Variants in RGS6 observed in about 807,000 individuals in gnomAD.
The protein encoded by RGS6 is regulator of G-protein signaling 6.
Under a neutral mutation model 78.5 loss-of-function variants are expected in RGS6, and 30 were observed. The ratio of observed to expected loss-of-function variants is 0.38; its 90% CI spans 0.29 to 0.52. The LOEUF is 0.52. Ranked by LOEUF, RGS6 falls within the 20% of genes least tolerant of loss-of-function variation. The pLI, the probability that RGS6 is intolerant of heterozygous loss-of-function variation, is 0.85. For missense variants in RGS6, 495 were observed against 609.7 expected, an observed-to-expected ratio of 0.81 and a Z score of 1.98; for synonymous variants, 206 against 206.0, an observed-to-expected ratio of 1.00 and a Z score of 0.00.
At chr14:72,214,883 A>G (rs2045182798) in intron 2 of RGS6, among the ~76,000 whole-genome samples, 1 of 152,230 alleles carries the variant, frequency 6.6e-6, no homozygotes, top group African/African-American at 2.4e-5. Context: ...GCAATATGAT[A>G]GAGAAATTAT....
At chr14:72,067,296 C>T (rs190507147) in intron 2 of RGS6, among the ~76,000 whole-genome samples, 328 of 152,194 alleles carry the variant, frequency 2.2e-3, no homozygotes, top group African/African-American at 7.4e-3. Context: ...GAACATCACA[C>T]ACCAAGGCCT....
At chr14:71,943,356 C>T (rs892818189) in intron 1 of RGS6, among the ~76,000 whole-genome samples, 4 of 152,076 alleles carry the variant, frequency 2.6e-5, no homozygotes, top group South Asian at 2.1e-4. Flanking sequence ...AGCACAGACA[C>T]GTAAGAAGAT....
the RGS6 span, among the ~76,000 whole-genome samples, chr14:72,587,904 TC>T: frequency 6.6e-6 from 1 of 152,150 alleles, no homozygotes; most frequent in South Asian, 2.1e-4. Flanking sequence ...AGCTTTGACA[TC>T]CCAAAAGCTT....
At chr14:72,262,097 A>C (rs1487983880) in intron 2 of RGS6, among the ~76,000 whole-genome samples, 1 of 151,874 alleles carries the variant, frequency 6.6e-6, no homozygotes, top group Non-Finnish European at 1.5e-5. Flanking sequence ...CAGTTTTTGG[A>C]AGGCAGCCTC....
At chr14:72,436,013 G>A (rs531683950) in intron 3 of RGS6, among the ~76,000 whole-genome samples, 94 of 152,178 alleles carry the variant, frequency 6.2e-4, no homozygotes, top group African/African-American at 2.2e-3. Context: ...GGCATTTTCA[G>A]AAATGTGCTC....
intron 2 of RGS6, among the ~76,000 whole-genome samples, chr14:72,057,573 C>T (rs899192120): frequency 6.6e-6 from 1 of 152,134 alleles, no homozygotes; most frequent in Admixed American, 6.5e-5. Context: ...TGATGATACT[C>T]GCTGCTGAGA....
At chr14:71,930,030 G>T (rs1009015311), upstream of RGS6, among the ~76,000 whole-genome samples, 4 of 152,198 alleles carry the variant, frequency 2.6e-5, no homozygotes, top group African/African-American at 9.7e-5. Context: ...TTCAGTGGAG[G>T]ATGGTATTAA....
intron 2 of RGS6, among the ~76,000 whole-genome samples, chr14:72,093,400 G>A (rs1022107903): frequency 1.3e-5 from 2 of 151,878 alleles, no homozygotes; most frequent in South Asian, 2.1e-4. Flanking sequence ...ATGCCACCAC[G>A]CCCACCTAAT....
the RGS6 span, among the ~76,000 whole-genome samples, chr14:72,606,027 T>A: frequency 6.6e-6 from 1 of 152,066 alleles, no homozygotes; most frequent in Non-Finnish European, 1.5e-5. Context: ...CCTTCCACCC[T>A]TGTCCCCCGA....
At chr14:72,403,373 T>C (rs1210615250) in intron 3 of RGS6, among the ~76,000 whole-genome samples, 2 of 152,218 alleles carry the variant, frequency 1.3e-5, no homozygotes, top group Non-Finnish European at 2.9e-5. Flanking sequence ...CCATATGATC[T>C]CATTCACATA....
chr14:72,602,702 T>C, the RGS6 span, among the ~76,000 whole-genome samples: 1 of 152,244 alleles, frequency 6.6e-6, no homozygotes, highest in Non-Finnish European at 1.5e-5. Flanking sequence ...TGGAAATGTA[T>C]TCCCAAGGGC....
At chr14:71,968,971 C>G (rs541831109) in intron 2 of RGS6, among the ~76,000 whole-genome samples, 103 of 152,302 alleles carry the variant, frequency 6.8e-4, no homozygotes, top group South Asian at 5.4e-3. Context: ...CTTTCCCTCC[C>G]CACTCCTGCC....
chr14:72,547,642 G>A (rs1359246503), intron 17 of RGS6, among the ~76,000 whole-genome samples: 1 of 152,140 alleles, frequency 6.6e-6, no homozygotes, highest in African/African-American at 2.4e-5. Context: ...CCCAAAGGTG[G>A]ATGAGAGAAA....
At chr14:72,505,835 A>G (rs1567005946) in intron 13 of RGS6, among the ~76,000 whole-genome samples, 1 of 152,224 alleles carries the variant, frequency 6.6e-6, no homozygotes, top group Non-Finnish European at 1.5e-5. Context: ...GTGTAGCACT[A>G]TGAAGCTCCT....
intron 2 of RGS6, among the ~76,000 whole-genome samples, chr14:72,047,121 G>A (rs112286614): frequency 4.6e-5 from 7 of 152,116 alleles, no homozygotes; most frequent in Admixed American, 1.3e-4. Flanking sequence ...CTTGTGACAC[G>A]ACATAATGCA....
rs539507553 is a variant in RGS6 at position 72,495,093 on chromosome 14, G to T, written c.855-59G>T. 28 of 1,002,492 alleles carry T rather than the reference G, an allele frequency of 2.8e-5. No homozygotes were observed. The South Asian group carries it at 3.4e-4, about 12-fold the overall frequency. The allele number at this position is 1,002,492 out of a possible 1,614,324, so 62.1% of individuals were successfully genotyped here. On this transcript the variant is annotated intron_variant, in intron 12 of 17. Coordinates refer to ENST00000553525, the MANE Select transcript of RGS6 (RefSeq NM_001204424.2). ...ACTGCTATAATGTTTGTGTAAAACA[G>T]AATAAAGGGGTTTTCTAAGGAAATC...
Position 72,147,190 on chromosome 14 carries a change from GCTT to G in RGS6, c.84+182319_84+182321del, listed in dbSNP as rs2153627588. On this transcript the variant is annotated intron_variant, in intron 2 of 17. Coordinates refer to ENST00000553525, the MANE Select transcript of RGS6 (RefSeq NM_001204424.2). Reference sequence around the variant, plus strand: ...TAATGCCCCATTCATGACAATCTATGCTTCTTAAAATCTTGCTCCTCCAAATTC... The same window carrying G: ...TAATGCCCCATTCATGACAATCTATGCTTAAAATCTTGCTCCTCCAAATTC... 2.0e-5 allele frequency among the ~76,000 whole-genome samples: 3 copies of G among 152,298 alleles called. No homozygotes were observed. In the South Asian group the frequency reaches 6.2e-4, roughly 32 times the overall value.
intron 2 of RGS6, among the ~76,000 whole-genome samples, chr14:72,089,485 GATTA>G (rs752378660): frequency 6.6e-6 from 1 of 152,150 alleles, no homozygotes; most frequent in Non-Finnish European, 1.5e-5. Flanking sequence ...ATCAAAACTG[GATTA>G]ATTAGTCTAC....
chr14:72,185,566 T>A (rs1306930651), intron 2 of RGS6, among the ~76,000 whole-genome samples: 1 of 152,230 alleles, frequency 6.6e-6, no homozygotes, highest in African/African-American at 2.4e-5. Context: ...TGTGGTTAAC[T>A]AGTGTAGAGT....
Sources: allele counts gnomAD v4.1 joint callset (sites outside exome capture counted in the v4.1 genomes callset), GRCh38; gene constraint gnomAD v4.1.1; transcripts MANE v1.5; gene names NCBI Gene and HGNC (gene_info 2026-07-23, HGNC 2026-07-21).